The following MTUS1 variants were observed in gnomAD, a reference collection of about 807,000 sequenced individuals.
MTUS1 encodes the protein microtubule-associated tumor suppressor 1.
Under a neutral mutation model 120.8 loss-of-function variants are expected in MTUS1, and 109 were observed. The ratio of observed to expected loss-of-function variants is 0.90; its 90% CI spans 0.77 to 1.06. MTUS1 has a LOEUF of 1.06. Among genes scored for constraint, MTUS1 ranks in the 50% least tolerant of loss-of-function variants. The pLI is 0.00. For synonymous variants in MTUS1, 737 were observed against 550.5 expected (o/e 1.34, Z -4.74); for missense variants, 2,210 against 1,486.3 (o/e 1.49, Z -8.01).
chr8:17,770,708 G>A (rs2049959551), intron 1 of MTUS1: 1 of 152,166 alleles, frequency 6.6e-6, no homozygotes, highest in Admixed American at 6.5e-5. Context: ...CCAAACTAAA[G>A]AATTTTCCTT....
chr8:17,668,954 T>C (rs1156466271), intron 8 of MTUS1, among the ~76,000 whole-genome samples: 3 of 152,222 alleles, frequency 2.0e-5, no homozygotes, highest in Non-Finnish European at 2.9e-5. Context: ...AGTATTAGCA[T>C]ATTTTAAGAA....
intron 8 of MTUS1, among the ~76,000 whole-genome samples, chr8:17,668,466 A>G (rs1273203623): frequency 6.6e-6 from 1 of 152,202 alleles, no homozygotes; most frequent in Non-Finnish European, 1.5e-5. Context: ...TCCTAGAGGC[A>G]AAATGTCTGC....
rs1242097355 is a variant in MTUS1 at position 17,743,690 on chromosome 8, G to C, written c.2201C>G (p.Ser734Cys). 1.2e-6 allele frequency: 2 copies of C among 1,614,174 alleles called. No homozygotes were observed. The highest frequency in any genetic ancestry group is 1.7e-6 in the Non-Finnish European group (2 of 1,180,040). The change falls in exon 3 of 15, where the codon TCC becomes TGC. Residue 734 changes from serine (S) to cysteine (C), a missense_variant. Ser to Cys is a moderately radical substitution (Grantham distance 112, BLOSUM62 -1). Transcript: ENST00000693296. Reference sequence around the variant, plus strand: ...ATTGTCACTGTTCCGCCTCAAACAGGAAACAGGGGGCCCCACTTTGGCTTT... The same window carrying C: ...ATTGTCACTGTTCCGCCTCAAACAGCAAACAGGGGGCCCCACTTTGGCTTT... ...APKAKVGPPV[S>C]CLRRNSDNRN... is the part of the protein sequence containing the mutation.
At chr8:17,679,826 C>G (rs963639295) in intron 7 of MTUS1, among the ~76,000 whole-genome samples, 3 of 152,042 alleles carry the variant, frequency 2.0e-5, no homozygotes, top group African/African-American at 7.2e-5. Flanking sequence ...TAATAGTGCT[C>G]AGTATACATT....
chr8:17,749,639 G>C (rs1312389506), intron 2 of MTUS1, among the ~76,000 whole-genome samples: 1 of 149,276 alleles, frequency 6.7e-6, no homozygotes, highest in Non-Finnish European at 1.5e-5. Flanking sequence ...CCCCCAGCCT[G>C]GGCAACAGAG....
chr8:17,704,298 C>T (rs923659927), intron 6 of MTUS1: 1 of 152,128 alleles, frequency 6.6e-6, no homozygotes, highest in Admixed American at 6.5e-5. Flanking sequence ...CTGATGTACT[C>T]CAACCTGTCT....
At chr8:17,720,936 T>C (rs1389033384) in intron 4 of MTUS1, among the ~76,000 whole-genome samples, 1 of 152,188 alleles carries the variant, frequency 6.6e-6, no homozygotes, top group African/African-American at 2.4e-5. Context: ...CCTGCTAAAA[T>C]TCCCAAATAA....
At chr8:17,753,683 T>C in intron 2 of MTUS1, 34 bp downstream of exon 2, 5 of 1,428,964 alleles carry the variant, frequency 3.5e-6, no homozygotes, top group Non-Finnish European at 4.7e-6. Flanking sequence ...CACAGTTCTC[T>C]GAAGCATGCA....
rs781153882 is a variant in MTUS1 at position 17,743,793 on chromosome 8, C to T, written c.2098G>A (p.Ala700Thr). ...FEYGSLFLGS[A>T]SKTTTTSGRN... Reference sequence around the variant, plus strand: ...CCTGAGGTGGTCGTTGTTTTTGAAGCAGAGCCCTGTGAAAATAACAGTTAA... The same window carrying T: ...CCTGAGGTGGTCGTTGTTTTTGAAGTAGAGCCCTGTGAAAATAACAGTTAA... Residue 700 changes from alanine to threonine, a missense_variant, in exon 3 of 15, where the codon GCT becomes ACT. Ala to Thr is a moderately conservative substitution (Grantham distance 58). Transcript: ENST00000693296. 30 of 1,613,544 alleles carry T rather than the reference C, an allele frequency of 1.9e-5. 1 individual carries two copies. The highest frequency in any genetic ancestry group is 1.7e-4 in the Middle Eastern group (1 of 5,914).
At position 17,721,711 on chromosome 8, in the gene MTUS1, C is replaced by A. The variant is rs1554505977; in HGVS notation, c.2449+1961G>T. The A allele has an allele frequency of 1.9e-6, 3 of 1,553,384 alleles. No homozygotes were observed. The South Asian group carries it at 3.7e-5, about 19-fold the overall frequency. On this transcript the variant is annotated intron_variant, in intron 4 of 14. Transcript: ENST00000693296. ...AAAGAAACCAGAAATCGTCGACCTA[C>A]TTTTTTTCCCAGTAAACGTGGCTAA...
In MTUS1 at chr8:17,715,855, T is replaced by C. The variant is rs1235135987; in HGVS notation, c.2496A>G (p.Pro832=). ...ATCCTGAGGAACCATTCTGAAATGC[T>C]GGTTTTGGAGGTTTCTCCTCATATT... ...VIKYEEKPPK[P]AFQNGSSGSF... is the part of the protein sequence containing the mutation. The change falls in exon 5 of 15, where the codon CCA becomes CCG. Residue 832 remains proline, a synonymous_variant. Transcript: ENST00000693296. 6.2e-7 allele frequency: 1 copy of C among 1,613,902 alleles called. No homozygotes were observed. Among genetic ancestry groups the C allele is most frequent in the Non-Finnish European group, 8.5e-7 (1 of 1,179,962 alleles).
intron 2 of MTUS1, among the ~76,000 whole-genome samples, chr8:17,750,489 C>G (rs2048103699): frequency 6.6e-6 from 1 of 152,196 alleles, no homozygotes; most frequent in South Asian, 2.1e-4. Context: ...TCAGAGCCAA[C>G]ATTCCAAAAA....
chr8:17,728,784 G>T lies in MTUS1; in HGVS notation c.2288-4951C>A, dbSNP rs193212205. ...GGATATGGTGGGAAGATGTGGGTTGGGGGGGTCGGGGAGGGTGAGGCTTTT... is the reference window on the plus strand; with the variant it reads ...GGATATGGTGGGAAGATGTGGGTTGTGGGGGTCGGGGAGGGTGAGGCTTTT... On this transcript the variant is annotated intron_variant, in intron 3 of 14. Transcript: ENST00000693296. Among the ~76,000 whole-genome samples the T allele has an allele frequency of 1.4e-4, 22 of 152,152 alleles. No individual in the cohort carries two copies. In the East Asian group the frequency reaches 3.7e-3, roughly 25 times the overall value.
intron 8 of MTUS1, among the ~76,000 whole-genome samples, chr8:17,671,712 C>A (rs769709399): frequency 6.6e-6 from 1 of 152,160 alleles, no homozygotes; most frequent in Non-Finnish European, 1.5e-5. Context: ...TTTTTCTTTG[C>A]AGTTCTTAGT....
At chr8:17,649,273 T>C (rs1738154521) in intron 13 of MTUS1, among the ~76,000 whole-genome samples, 1 of 152,092 alleles carries the variant, frequency 6.6e-6, no homozygotes, top group African/African-American at 2.4e-5. Context: ...GCCAGGCTGG[T>C]CTCGAACTCC....
intron 1 of MTUS1, among the ~76,000 whole-genome samples, chr8:17,759,778 C>T (rs571647528): frequency 1.1e-4 from 16 of 151,310 alleles, no homozygotes; most frequent in African/African-American, 1.5e-4. Flanking sequence ...GGTTGTGAAA[C>T]GCCACTAAAG....
chr8:17,729,425 A>G (rs1185183397), intron 3 of MTUS1, among the ~76,000 whole-genome samples: 3 of 152,200 alleles, frequency 2.0e-5, no homozygotes, highest in East Asian at 1.9e-4. Flanking sequence ...TTCTTACCAA[A>G]TAAGTATTAT....
intron 1 of MTUS1, among the ~76,000 whole-genome samples, chr8:17,796,464 T>C (rs1041332987): frequency 3.3e-5 from 5 of 152,228 alleles, no homozygotes; most frequent in Non-Finnish European, 7.3e-5. Flanking sequence ...TTCGACCTTG[T>C]TCACACTCTA....
chr8:17,749,247 G>A (rs562417245), intron 2 of MTUS1, among the ~76,000 whole-genome samples: 2 of 152,028 alleles, frequency 1.3e-5, no homozygotes, highest in South Asian at 2.1e-4. Flanking sequence ...CCCTGAAGCC[G>A]GCTACCTGAA....
Sources: gnomAD v4.1 joint callset for allele counts (sites outside exome capture counted in the v4.1 genomes callset) on GRCh38, gnomAD v4.1.1 for gene constraint, MANE v1.5 for transcripts, NCBI Gene and HGNC (gene_info 2026-07-23, HGNC 2026-07-21) for gene names.